SLCO1A2: variants seen among roughly 807,000 people sequenced by gnomAD.
The protein encoded by SLCO1A2 is OATP-1.
SLCO1A2 carries 67 observed loss-of-function variants against 69.0 expected under a neutral mutation model. The observed-to-expected ratio is 0.97, with a 90% CI of 0.80 to 1.19. The LOEUF (loss-of-function observed/expected upper bound fraction) is 1.19. SLCO1A2 is among the 50% of genes most tolerant of loss of function. SLCO1A2 has a pLI of 0.00. For synonymous variants in SLCO1A2, 260 were observed against 265.9 expected, an observed-to-expected ratio of 0.98 and a Z score of 0.22; for missense variants, 787 against 793.7, an observed-to-expected ratio of 0.99 and a Z score of 0.10.
intron 2 of SLCO1A2, among the ~76,000 whole-genome samples, chr12:21,362,372 C>T (rs1204713961): frequency 6.6e-6 from 1 of 152,106 alleles, no homozygotes; most frequent in Non-Finnish European, 1.5e-5. Flanking sequence ...CACCACCATG[C>T]CTGACTTACA....
At chr12:21,387,511 T>G (rs1048252746) in intron 1 of SLCO1A2, among the ~76,000 whole-genome samples, 3 of 152,138 alleles carry the variant, frequency 2.0e-5, no homozygotes, top group African/African-American at 4.8e-5. Context: ...CTTCAGAGGA[T>G]GCAAACTCCA....
intron 2 of SLCO1A2, chr12:21,319,222 A>G (rs1951270824): frequency 1.3e-5 from 10 of 742,772 alleles, no homozygotes; most frequent in Non-Finnish European, 2.1e-5. Flanking sequence ...TAACTTAAAC[A>G]TGTCTTCAGA....
At chr12:21,319,055 T>C in intron 2 of SLCO1A2, 132 bp from the exon 3 acceptor site, 2 of 731,856 alleles carry the variant, frequency 2.7e-6, no homozygotes, top group Non-Finnish European at 2.2e-6. Context: ...TGCAAGAAAC[T>C]GTAAAGTGTA....
intron 2 of SLCO1A2, among the ~76,000 whole-genome samples, chr12:21,322,162 G>A (rs907240356): frequency 2.0e-5 from 3 of 152,220 alleles, no homozygotes; most frequent in Non-Finnish European, 4.4e-5. Context: ...TAAGCCGAGT[G>A]GCTTATAAAC....
intron 14 of SLCO1A2, among the ~76,000 whole-genome samples, chr12:21,273,302 G>T (rs1397011728): frequency 7.0e-6 from 1 of 143,448 alleles, no homozygotes; most frequent in Admixed American, 6.9e-5. Context: ...CCTTGAGAGA[G>T]ACACTATTTA....
At chr12:21,350,455 T>C (rs1353403790) in intron 2 of SLCO1A2, among the ~76,000 whole-genome samples, 1 of 152,140 alleles carries the variant, frequency 6.6e-6, no homozygotes, top group Admixed American at 6.5e-5. Flanking sequence ...AAAGTATTCA[T>C]AGCATGTTCT....
At chr12:21,405,236 C>A (rs1941804442) in intron 1 of SLCO1A2, among the ~76,000 whole-genome samples, 1 of 152,070 alleles carries the variant, frequency 6.6e-6, no homozygotes, top group Non-Finnish European at 1.5e-5. Flanking sequence ...TTAATTAGAT[C>A]TCATTTGTCA....
intron 1 of SLCO1A2, among the ~76,000 whole-genome samples, chr12:21,388,393 T>C (rs556071757): frequency 1.3e-5 from 2 of 152,134 alleles, no homozygotes; most frequent in African/African-American, 4.8e-5. Context: ...TGGGAGGTAA[T>C]TGAATCATGG....
rs763339752 is a variant in SLCO1A2, at chr12:21,300,582, A to G, written c.689-13T>C. ...ATGATCAGATCATCTGTAAAAAAATACACACACTGTTATTAGCTTAAGTCA... is the reference window on the plus strand; with the variant it reads ...ATGATCAGATCATCTGTAAAAAAATGCACACACTGTTATTAGCTTAAGTCA... On this transcript the variant is annotated splice_polypyrimidine_tract_variant and intron_variant, in intron 7 of 14. Transcript: ENST00000683939. 3.8e-6 allele frequency: 6 copies of G among 1,576,600 alleles called. No individual in the cohort carries two copies. Among genetic ancestry groups the G allele is most frequent in the East Asian group, 4.5e-5 (2 of 44,216 alleles).
chr12:21,335,918 G>A (rs1266289479), upstream of SLCO1A2, among the ~76,000 whole-genome samples: 1 of 152,134 alleles, frequency 6.6e-6, no homozygotes, highest in Non-Finnish European at 1.5e-5. Flanking sequence ...ACTAGCGAGA[G>A]AAGTATGTTT....
chr12:21,292,440 CT>C, intron 11 of SLCO1A2, 104 bp from the exon 12 acceptor site: 1 of 772,098 alleles, frequency 1.3e-6, no homozygotes, highest in Non-Finnish European at 2.0e-6. Context: ...TGCTTGTTCC[CT>C]TTACTCCATC....
chr12:21,400,328 T>A (rs1334826818), upstream of SLCO1A2, among the ~76,000 whole-genome samples: 2 of 152,216 alleles, frequency 1.3e-5, no homozygotes, highest in East Asian at 3.9e-4. Context: ...CACAATGAGA[T>A]ACCATCTCAC....
At chr12:21,364,558 G>A (rs748456818) in intron 2 of SLCO1A2, among the ~76,000 whole-genome samples, 6 of 152,042 alleles carry the variant, frequency 3.9e-5, no homozygotes, top group Non-Finnish European at 8.8e-5. Context: ...GGCAATCAGG[G>A]AAGAGAAAGA....
chr12:21,364,160 C>A (rs1030029920), intron 2 of SLCO1A2, among the ~76,000 whole-genome samples: 27 of 152,186 alleles, frequency 1.8e-4, no homozygotes, highest in Non-Finnish European at 3.2e-4. Flanking sequence ...AAAATACTGG[C>A]AAACCGAATC....
intron 8 of SLCO1A2, among the ~76,000 whole-genome samples, chr12:21,299,795 C>T (rs1200405362): frequency 4.2e-5 from 5 of 120,124 alleles, no homozygotes; most frequent in African/African-American, 8.0e-5. Flanking sequence ...TATATACACA[C>T]ACACGTATAT....
upstream of SLCO1A2, among the ~76,000 whole-genome samples, chr12:21,399,212 G>C (rs1263543720): frequency 1.5e-5 from 2 of 136,536 alleles, no homozygotes; most frequent in African/African-American, 2.8e-5. Flanking sequence ...AAAATCACAA[G>C]CATTCTTATA....
At chr12:21,395,258 T>A (rs1354553353) in exon 1 of SLCO1A2, 4 of 152,528 alleles carry the variant, frequency 2.6e-5, no homozygotes, top group African/African-American at 9.7e-5. Flanking sequence ...AAGAAAGGGG[T>A]GACGGACGCA....
intron 1 of SLCO1A2, among the ~76,000 whole-genome samples, chr12:21,408,213 C>T (rs73065877): frequency 0.047 from 7,168 of 152,156 alleles, 183 homozygotes; most frequent in African/African-American, 0.062. Context: ...ATATGACAAA[C>T]GAATTTATTA....
At chr12:21,270,184 G>GGAA (rs1045271933) in intron 14 of SLCO1A2, among the ~76,000 whole-genome samples, 38 of 151,808 alleles carry the variant, frequency 2.5e-4, no homozygotes, top group African/African-American at 7.2e-4. Flanking sequence ...ATCAGATTAA[G>GGAA]GAAGTTATTT....
Sources: gnomAD v4.1 joint callset for allele counts (sites outside exome capture counted in the v4.1 genomes callset) on GRCh38, gnomAD v4.1.1 for gene constraint, MANE v1.5 for transcripts, NCBI Gene and HGNC (gene_info 2026-07-23, HGNC 2026-07-21) for gene names.